Variants in LRRC18 observed in about 807,000 individuals in gnomAD.
LRRC18 encodes leucine rich repeat containing 18.
LRRC18 carries 12 observed loss-of-function variants against 11.2 expected under a neutral mutation model. The ratio of observed to expected loss-of-function variants is 1.07; its 90% CI spans 0.69 to 1.74. LRRC18 has a LOEUF of 1.74. Ranked by LOEUF, LRRC18 falls within the 40% of genes most tolerant of loss-of-function variation. The pLI, the probability that LRRC18 is intolerant of heterozygous loss-of-function variation, is 0.00. For missense variants in LRRC18, 374 were observed against 330.5 expected (o/e 1.13, Z -1.02); for synonymous variants, 155 against 130.6 (o/e 1.19, Z -1.27).
At chr10:48,918,898 TGTCCACTGA>T (rs1838794058), upstream of LRRC18, among the ~76,000 whole-genome samples, 1 of 152,170 alleles carries the variant, frequency 6.6e-6, no homozygotes, top group African/African-American at 2.4e-5. Flanking sequence ...CATTGCCAAA[TGTCCACTGA>T]GGAGCAAAAT....
the LRRC18 span, among the ~76,000 whole-genome samples, chr10:48,935,777 G>A: frequency 2.0e-5 from 3 of 152,164 alleles, no homozygotes; most frequent in African/African-American, 7.2e-5. Flanking sequence ...ATGCTGATGT[G>A]TAGTTTCTGA....
upstream of LRRC18, among the ~76,000 whole-genome samples, chr10:48,914,608 T>A (rs1838334392): frequency 1.3e-5 from 2 of 152,174 alleles, no homozygotes; most frequent in South Asian, 4.1e-4. Flanking sequence ...AAGCTAGGAT[T>A]TCCTGAAGTT....
upstream of LRRC18, among the ~76,000 whole-genome samples, chr10:48,916,124 T>C (rs1219411745): frequency 1.3e-5 from 2 of 152,150 alleles, no homozygotes; most frequent in South Asian, 2.1e-4. Flanking sequence ...ATCAGGCAGA[T>C]TGGAGAAGAA....
chr10:48,922,667 A>G, the LRRC18 span, among the ~76,000 whole-genome samples: 5 of 152,348 alleles, frequency 3.3e-5, no homozygotes, highest in South Asian at 6.2e-4. Context: ...GTCTTAGAAC[A>G]TATCACCTGT....
chr10:48,918,399 C>A (rs1589885473), upstream of LRRC18, among the ~76,000 whole-genome samples: 1 of 152,202 alleles, frequency 6.6e-6, no homozygotes, highest in East Asian at 1.9e-4. Context: ...ACATACCATG[C>A]AAACACTAAA....
At chr10:48,932,164 A>G in the LRRC18 span, among the ~76,000 whole-genome samples, 2 of 152,212 alleles carry the variant, frequency 1.3e-5, no homozygotes, top group African/African-American at 2.4e-5. Context: ...TAAAAATGTT[A>G]GGTGACCAGT....
At chr10:48,938,238 G>C in the LRRC18 span, among the ~76,000 whole-genome samples, 1 of 152,262 alleles carries the variant, frequency 6.6e-6, no homozygotes, top group Non-Finnish European at 1.5e-5. Context: ...GCAGGATTTT[G>C]AGATGTGTCT....
chr10:48,913,321 T>C, intron 1 of LRRC18, 71 bp downstream of exon 3: 1 of 1,446,870 alleles, frequency 6.9e-7, no homozygotes, highest in South Asian at 1.3e-5. Flanking sequence ...TGGTTTCCTG[T>C]GGAGGTAGCC....
chr10:48,913,352 C>A, intron 1 of LRRC18, 40 bp downstream of exon 3: 1 of 1,582,204 alleles, frequency 6.3e-7, no homozygotes, highest in Non-Finnish European at 8.6e-7. Context: ...TTCCCTCCCT[C>A]TCTCTTTCCC....
exon 1 of LRRC18, chr10:48,914,168 A>G (rs748653304): frequency 6.2e-7 from 1 of 1,607,120 alleles, no homozygotes; most frequent in South Asian, 1.1e-5. Context: ...TCTTTTAGTA[A>G]GGGAGTGTTA....
upstream of LRRC18, among the ~76,000 whole-genome samples, chr10:48,914,415 T>C (rs1301338564): frequency 3.3e-5 from 5 of 152,144 alleles, no homozygotes; most frequent in Admixed American, 2.6e-4. Flanking sequence ...TCTTCAGACT[T>C]TGATTTTCTT....
At chr10:48,918,748 AG>A (rs34001978), upstream of LRRC18, among the ~76,000 whole-genome samples, 51,075 of 152,096 alleles carry the variant, frequency 0.34, 9,081 homozygotes, top group Non-Finnish European at 0.39. Flanking sequence ...TGTTGTCAGC[AG>A]GGGGTAGGAT....
chr10:48,913,561 A>G (rs771494030), exon 1 of LRRC18: 6 of 1,614,028 alleles, frequency 3.7e-6, no homozygotes, highest in East Asian at 2.2e-5. Flanking sequence ...TCCACAACAT[A>G]CAAGTTCTCC....
the LRRC18 span, among the ~76,000 whole-genome samples, chr10:48,919,748 T>C: frequency 1.3e-5 from 2 of 152,204 alleles, no homozygotes; most frequent in Admixed American, 1.3e-4. Flanking sequence ...CCTCATGATC[T>C]AAATGCCTCA....
chr10:48,914,838 A>T (rs868002720), upstream of LRRC18, among the ~76,000 whole-genome samples: 88 of 152,338 alleles, frequency 5.8e-4, no homozygotes, highest in Middle Eastern at 6.8e-3. Flanking sequence ...TGGGCCCAGC[A>T]GCACCATAAC....
chr10:48,924,987 C>T, the LRRC18 span, among the ~76,000 whole-genome samples: 11 of 152,206 alleles, frequency 7.2e-5, no homozygotes, highest in Non-Finnish European at 1.6e-4. Context: ...AGGATAGACA[C>T]ATGGAACTGA....
upstream of LRRC18, among the ~76,000 whole-genome samples, chr10:48,917,163 T>C (rs887571424): frequency 6.6e-6 from 1 of 152,186 alleles, no homozygotes; most frequent in African/African-American, 2.4e-5. Context: ...TAGGTTTGTG[T>C]AAGTGCACTC....
chr10:48,931,468 T>C, the LRRC18 span, among the ~76,000 whole-genome samples: 1 of 152,200 alleles, frequency 6.6e-6, no homozygotes, highest in Non-Finnish European at 1.5e-5. Flanking sequence ...AGGGCCGTGC[T>C]ATAAACAACA....
chr10:48,937,087 T>A, the LRRC18 span, among the ~76,000 whole-genome samples: 1 of 151,488 alleles, frequency 6.6e-6, no homozygotes, highest in Non-Finnish European at 1.5e-5. Context: ...AGAGACGAGG[T>A]TTTTCCATGT....
Sources: gnomAD v4.1 joint callset for allele counts (sites outside exome capture counted in the v4.1 genomes callset) on GRCh38, gnomAD v4.1.1 for gene constraint, MANE v1.5 for transcripts, NCBI Gene and HGNC (gene_info 2026-07-23, HGNC 2026-07-21) for gene names.